The following ZNF654 variants were observed in gnomAD, a reference collection of about 807,000 sequenced individuals.
The protein encoded by ZNF654 is zinc finger protein 654.
Under a neutral mutation model 95.3 loss-of-function variants are expected in ZNF654, and 19 were observed. That is an observed-to-expected ratio of 0.20 (90% CI 0.14 to 0.29). The LOEUF (loss-of-function observed/expected upper bound fraction) is 0.29, where lower values mean the gene tolerates loss of function less well. ZNF654 is among the 10% of genes least tolerant of loss of function. The pLI is 1.00. For synonymous variants in ZNF654, 413 were observed against 457.9 expected (o/e 0.90, Z 1.25); for missense variants, 1,046 against 1,341.0 (o/e 0.78, Z 3.44).
chr3:88,059,392 C>T lies in ZNF654; in HGVS notation c.73C>T (p.Leu25=), dbSNP rs1247189296. Residue 25 remains leucine (L), a synonymous_variant, in exon 1 of 9, where the codon CTG becomes TTG. Transcript: ENST00000636215. ...GCTTGTGGCCATTGTGGAGTCCCCG[C>T]TGGGCCCTGTGGGGCTTAGAGCTGC... is the stretch of plus-strand genomic sequence containing the variant. ...EELVAIVESP[L]GPVGLRAAGD... is the part of the protein sequence containing the mutation. The T allele has an allele frequency of 2.0e-6, 3 of 1,535,038 alleles. No homozygotes were observed. The highest frequency in any genetic ancestry group is 2.6e-6 in the Non-Finnish European group (3 of 1,146,644).
chr3:88,111,073 A>AAC (rs1705062895), intron 2 of ZNF654, among the ~76,000 whole-genome samples: 1 of 152,038 alleles, frequency 6.6e-6, no homozygotes, highest in Non-Finnish European at 1.5e-5. Context: ...TAGGAAGATA[A>AAC]TAACTGCTGT....
At chr3:88,103,612 A>G (rs1031955111) in intron 2 of ZNF654, among the ~76,000 whole-genome samples, 4 of 152,214 alleles carry the variant, frequency 2.6e-5, no homozygotes, top group African/African-American at 9.6e-5. Flanking sequence ...TACAGAAACT[A>G]GAACACAAGT....
intron 1 of ZNF654, among the ~76,000 whole-genome samples, chr3:88,081,728 A>C (rs971786997): frequency 1.3e-5 from 2 of 152,174 alleles, no homozygotes; most frequent in South Asian, 2.1e-4. Context: ...CTGGCACCAC[A>C]ACAAGTTCCA....
intron 2 of ZNF654, among the ~76,000 whole-genome samples, chr3:88,088,167 G>C (rs1559701126): frequency 6.6e-6 from 1 of 152,124 alleles, no homozygotes. Context: ...TTCTCAGTGA[G>C]ACTACTAGCT....
At chr3:88,075,766 T>G (rs1343548467) in intron 1 of ZNF654, among the ~76,000 whole-genome samples, 1 of 152,184 alleles carries the variant, frequency 6.6e-6, no homozygotes, top group East Asian at 1.9e-4. Context: ...TTTTTTTCTC[T>G]TGGTTTTTTT....
chr3:88,101,823 A>G (rs1704444646), intron 2 of ZNF654, among the ~76,000 whole-genome samples: 1 of 152,240 alleles, frequency 6.6e-6, no homozygotes, highest in South Asian at 2.1e-4. Context: ...CTTCACTAAT[A>G]CTTTTTATCT....
chr3:88,137,565 T>G (rs551613941), intron 7 of ZNF654, among the ~76,000 whole-genome samples: 2 of 152,200 alleles, frequency 1.3e-5, no homozygotes, highest in South Asian at 4.2e-4. Flanking sequence ...ACACAGATAT[T>G]TATAAAACAA....
intron 2 of ZNF654, among the ~76,000 whole-genome samples, chr3:88,091,550 C>A (rs1172435949): frequency 6.6e-6 from 1 of 152,026 alleles, no homozygotes; most frequent in Non-Finnish European, 1.5e-5. Context: ...TTTAAAATGT[C>A]ATTTATTGAC....
chr3:88,063,051 CTG>C (rs1442031527), intron 1 of ZNF654, among the ~76,000 whole-genome samples: 2 of 152,120 alleles, frequency 1.3e-5, no homozygotes, highest in Non-Finnish European at 2.9e-5. Flanking sequence ...TGTAAAACAA[CTG>C]TGGCGGGGTT....
At chr3:88,079,474 TGATA>T (rs1387349231) in intron 1 of ZNF654, among the ~76,000 whole-genome samples, 2 of 152,136 alleles carry the variant, frequency 1.3e-5, no homozygotes, top group Non-Finnish European at 2.9e-5. Context: ...AAACTGGAAC[TGATA>T]GATGGATGTC....
intron 1 of ZNF654, among the ~76,000 whole-genome samples, chr3:88,063,298 T>G (rs1706992860): frequency 6.6e-6 from 1 of 152,142 alleles, no homozygotes; most frequent in Non-Finnish European, 1.5e-5. Context: ...GTGGGTACCT[T>G]TTATGCGTAA....
intron 1 of ZNF654, among the ~76,000 whole-genome samples, chr3:88,062,111 C>T (rs543186390): frequency 7.6e-4 from 116 of 152,292 alleles, no homozygotes; most frequent in African/African-American, 2.7e-3. Context: ...CACATCCTCC[C>T]TTGGCTCTTG....
intron 1 of ZNF654, among the ~76,000 whole-genome samples, chr3:88,066,053 CA>C (rs1388649966): frequency 6.6e-6 from 1 of 152,154 alleles, no homozygotes; most frequent in Non-Finnish European, 1.5e-5. Context: ...TTATTTTGTA[CA>C]AATAGATACA....
At chr3:88,090,498 T>A (rs1242779009) in intron 2 of ZNF654, among the ~76,000 whole-genome samples, 1 of 152,164 alleles carries the variant, frequency 6.6e-6, no homozygotes, top group South Asian at 2.1e-4. Context: ...AGCTAAATGT[T>A]ACAAAATAGT....
At chr3:88,111,817 A>G (rs1255263286) in intron 2 of ZNF654, among the ~76,000 whole-genome samples, 2 of 151,984 alleles carry the variant, frequency 1.3e-5, no homozygotes, top group East Asian at 1.9e-4. Context: ...CTATACACCA[A>G]AGCCATCATA....
chr3:88,068,779 T>G (rs1707341253), intron 1 of ZNF654, among the ~76,000 whole-genome samples: 1 of 152,118 alleles, frequency 6.6e-6, no homozygotes, highest in Non-Finnish European at 1.5e-5. Flanking sequence ...TTTTTATAGG[T>G]CAGGAAACTA....
chr3:88,086,984 A>T (rs969863756), intron 2 of ZNF654, among the ~76,000 whole-genome samples: 2 of 152,076 alleles, frequency 1.3e-5, no homozygotes, highest in African/African-American at 4.8e-5. Flanking sequence ...GGGTTTCACC[A>T]TGTTAGCCAG....
chr3:88,126,089 T>C, intron 3 of ZNF654, 45 bp from the exon 4 acceptor site: 1 of 1,416,164 alleles, frequency 7.1e-7, no homozygotes, highest in Non-Finnish European at 9.2e-7. Context: ...GTTTAGTTTT[T>C]AACCCCTTTA....
At chr3:88,137,480 T>C (rs1273453338) in intron 7 of ZNF654, among the ~76,000 whole-genome samples, 1 of 152,098 alleles carries the variant, frequency 6.6e-6, no homozygotes, top group Non-Finnish European at 1.5e-5. Flanking sequence ...ATGCTAACCA[T>C]AGGGAGACAT....
Sources: gnomAD v4.1 joint callset for allele counts (sites outside exome capture counted in the v4.1 genomes callset) on GRCh38, gnomAD v4.1.1 for gene constraint, MANE v1.5 for transcripts, NCBI Gene and HGNC (gene_info 2026-07-23, HGNC 2026-07-21) for gene names.